The following ABCG1 variants were observed in gnomAD, a reference collection of about 807,000 sequenced individuals.
ABCG1 encodes ATP binding cassette subfamily G member 1.
Under a neutral mutation model 69.2 loss-of-function variants are expected in ABCG1, and 29 were observed. That is an observed-to-expected ratio of 0.42 (90% CI 0.31 to 0.57). The LOEUF (loss-of-function observed/expected upper bound fraction) is 0.57, where lower values mean the gene tolerates loss of function less well. Ranked by LOEUF, ABCG1 falls within the 20% of genes least tolerant of loss-of-function variation. The pLI is 0.15. For synonymous variants in ABCG1, 370 were observed against 374.8 expected (o/e 0.99, Z 0.15); for missense variants, 718 against 898.1 (o/e 0.80, Z 2.56).
intron 2 of ABCG1, among the ~76,000 whole-genome samples, chr21:42,208,381 TC>T (rs774179141): frequency 3.9e-5 from 6 of 152,350 alleles, no homozygotes; most frequent in Non-Finnish European, 7.3e-5. Context: ...GCCTTCCTTT[TC>T]CTATCTTCTA....
intron 2 of ABCG1, among the ~76,000 whole-genome samples, chr21:42,251,987 C>T (rs1337811483): frequency 6.6e-6 from 1 of 152,228 alleles, no homozygotes; most frequent in Admixed American, 6.5e-5. Flanking sequence ...CAGAGGCATC[C>T]CTCTGCTTGG....
At chr21:42,216,140 C>T (rs764826860), upstream of ABCG1, 19 of 452,118 alleles carry the variant, frequency 4.2e-5, no homozygotes, top group South Asian at 2.8e-4. Context: ...GTGAGACATG[C>T]CTTTCACCTT....
chr21:42,233,307 C>T (rs1312154443), intron 2 of ABCG1, among the ~76,000 whole-genome samples: 1 of 152,156 alleles, frequency 6.6e-6, no homozygotes, highest in Non-Finnish European at 1.5e-5. Context: ...TATTTAGAGT[C>T]CAAATCTTGG....
rs1311254274 is a variant in ABCG1 at position 42,291,075 on chromosome 21, G to A, written c.1394-17G>A. 1 of 1,594,796 alleles carries A rather than the reference G, an allele frequency of 6.3e-7. No homozygotes were observed. The highest frequency in any genetic ancestry group is 8.6e-7 in the Non-Finnish European group (1 of 1,165,960). On this transcript the variant is annotated splice_polypyrimidine_tract_variant and intron_variant, in intron 11 of 14. Transcript: ENST00000398449. The surrounding 1 kb of genome is among the most constrained non-coding windows in gnomAD (Gnocchi z 6.4). ...ACATGGTCACTGACCCTTCTTTTTT[G>A]CTTTTCTATCTCCTAGTTCCCCTGG...
chr21:42,267,097 T>C (rs189938062), intron 2 of ABCG1, among the ~76,000 whole-genome samples: 1 of 152,322 alleles, frequency 6.6e-6, no homozygotes, highest in African/African-American at 2.4e-5. Flanking sequence ...TGATAAAGAC[T>C]TTAGGGTTGG....
At chr21:42,253,220 G>A (rs376250068) in intron 2 of ABCG1, among the ~76,000 whole-genome samples, 2 of 152,270 alleles carry the variant, frequency 1.3e-5, no homozygotes, top group East Asian at 3.9e-4. Context: ...TGGCAGAGCT[G>A]GGGTAAAGGG....
At chr21:42,218,001 A>G (rs1794386493), upstream of ABCG1, among the ~76,000 whole-genome samples, 1 of 152,064 alleles carries the variant, frequency 6.6e-6, no homozygotes, top group South Asian at 2.1e-4. Flanking sequence ...ATTCAGACAA[A>G]GGCAAGGCCT....
intron 2 of ABCG1, among the ~76,000 whole-genome samples, chr21:42,251,678 T>C (rs1429617550): frequency 6.6e-6 from 1 of 151,760 alleles, no homozygotes; most frequent in Non-Finnish European, 1.5e-5. Context: ...AAGGGCCCAA[T>C]TGTGGAAAGA....
chr21:42,216,915 G>A (rs1418800154), upstream of ABCG1, among the ~76,000 whole-genome samples: 3 of 152,150 alleles, frequency 2.0e-5, no homozygotes, highest in Admixed American at 6.5e-5. Flanking sequence ...TATTTCCCAC[G>A]TGGTGGGGAT....
At chr21:42,286,636 A>G (rs1372546470) in intron 8 of ABCG1, among the ~76,000 whole-genome samples, 1 of 152,194 alleles carries the variant, frequency 6.6e-6, no homozygotes, top group Non-Finnish European at 1.5e-5. Flanking sequence ...CTCACAAGGA[A>G]GAGTAACAGA....
At chr21:42,283,655 C>T (rs1390286005) in intron 6 of ABCG1, among the ~76,000 whole-genome samples, 1 of 145,878 alleles carries the variant, frequency 6.9e-6, no homozygotes, top group African/African-American at 2.5e-5. Context: ...GTGAAGTCCC[C>T]CCCCACCCAA....
chr21:42,293,692 C>G (rs1188032328), intron 13 of ABCG1, among the ~76,000 whole-genome samples: 2 of 150,520 alleles, frequency 1.3e-5, no homozygotes, highest in African/African-American at 4.9e-5. Flanking sequence ...ACACTACACA[C>G]CACACACTAC....
chr21:42,268,341 C>A (rs1045098627), intron 2 of ABCG1, among the ~76,000 whole-genome samples: 2 of 148,226 alleles, frequency 1.3e-5, no homozygotes, highest in Non-Finnish European at 3.0e-5. Flanking sequence ...AGGGTGATTT[C>A]CTTACATAAA....
At position 42,204,041 on chromosome 21, in the gene ABCG1, C is replaced by T. The variant is rs187793751; in HGVS notation, c.48+2318C>T. ...GGTGTCACGTTTTTAATTCCAGTGT[C>T]CATGTGTTCATTGACAGAGCATAGA... On this transcript the variant is annotated intron_variant, in intron 2 of 15. Transcript: ENST00000398457. Among the ~76,000 whole-genome samples the T allele has an allele frequency of 7.2e-5, 11 of 152,200 alleles. No individual in the cohort carries two copies. The East Asian group carries it at 2.1e-3, about 29-fold the overall frequency.
At chr21:42,211,944 G>A (rs965774792), upstream of ABCG1, among the ~76,000 whole-genome samples, 4 of 151,790 alleles carry the variant, frequency 2.6e-5, no homozygotes, top group Admixed American at 6.6e-5. Context: ...AAAGAGATGC[G>A]GTCCTTGGGA....
At chr21:42,279,818 C>T (rs2068775355) in intron 5 of ABCG1, among the ~76,000 whole-genome samples, 1 of 152,230 alleles carries the variant, frequency 6.6e-6, no homozygotes, top group Admixed American at 6.5e-5. Context: ...CCAGAACAAG[C>T]TGGCATCTTG....
chr21:42,234,713 G>A (rs1646843573), intron 2 of ABCG1, among the ~76,000 whole-genome samples: 1 of 152,216 alleles, frequency 6.6e-6, no homozygotes, highest in Non-Finnish European at 1.5e-5. Flanking sequence ...GCTGGTGCAG[G>A]TGCTGACTCT....
chr21:42,291,036 A>G lies in ABCG1; in HGVS notation c.1394-56A>G. 7.3e-7 allele frequency: 1 copy of G among 1,371,360 alleles called. No homozygotes were observed. The highest frequency in any genetic ancestry group is 1.0e-6 in the Non-Finnish European group (1 of 965,194). 84.9% of individuals were successfully genotyped at this position (1,371,360 alleles called of 1,614,324 possible). A position where few individuals can be genotyped will look rare whatever the true frequency, so the allele number is the denominator to read the frequency against. On this transcript the variant is annotated intron_variant, in intron 11 of 14. Coordinates refer to ENST00000398449, the MANE Select transcript of ABCG1 (RefSeq NM_016818.3). The surrounding 1 kb of genome is among the most constrained non-coding windows in gnomAD (Gnocchi z 6.4). ...CTCAAGATCGCCTGTTGGGATGTTA[A>G]ACGGGCTCGCTGCACATGGTCACTG...
chr21:42,206,804 T>C (rs1262829710), intron 2 of ABCG1: 1 of 152,116 alleles, frequency 6.6e-6, no homozygotes. Flanking sequence ...TTATTTTAGG[T>C]TATGTCTATG....
Sources: allele counts gnomAD v4.1 joint callset (sites outside exome capture counted in the v4.1 genomes callset), GRCh38; gene constraint gnomAD v4.1.1; non-coding constraint Gnocchi (gnomAD v3.1); transcripts MANE v1.5; gene names NCBI Gene and HGNC (gene_info 2026-07-23, HGNC 2026-07-21).